Variants in KLHL1 observed in about 807,000 individuals in gnomAD.
KLHL1 encodes the protein kelch like family member 1.
KLHL1 carries 47 observed loss-of-function variants against 77.7 expected under a neutral mutation model. That is an observed-to-expected ratio of 0.60 (90% CI 0.48 to 0.77). The LOEUF (loss-of-function observed/expected upper bound fraction) is 0.77. Ranked by LOEUF, KLHL1 falls within the 30% of genes least tolerant of loss-of-function variation. The pLI, the probability that KLHL1 is intolerant of heterozygous loss-of-function variation, is 0.00. For missense variants in KLHL1, 925 were observed against 910.8 expected, an observed-to-expected ratio of 1.02 and a Z score of -0.20; for synonymous variants, 360 against 325.2, an observed-to-expected ratio of 1.11 and a Z score of -1.15.
intron 1 of KLHL1, among the ~76,000 whole-genome samples, chr13:70,027,052 G>A (rs1444375116): frequency 6.6e-6 from 1 of 151,960 alleles, no homozygotes; most frequent in Non-Finnish European, 1.5e-5. Flanking sequence ...AACAAATTTT[G>A]AGTTTAGAGT....
chr13:69,761,153 A>G (rs1451796252), intron 7 of KLHL1, among the ~76,000 whole-genome samples: 2 of 152,240 alleles, frequency 1.3e-5, no homozygotes, highest in Non-Finnish European at 2.9e-5. Flanking sequence ...AGAGAACAAT[A>G]TAAGAATCTG....
chr13:69,941,101 A>G (rs1419686789), intron 3 of KLHL1, among the ~76,000 whole-genome samples: 1 of 152,032 alleles, frequency 6.6e-6, no homozygotes, highest in African/African-American at 2.4e-5. Context: ...ACTATACCCT[A>G]AAACAAATGG....
Position 70,029,481 on chromosome 13 carries a change from G to A in KLHL1, c.498-53679C>T, listed in dbSNP as rs1199962411. 2.0e-5 allele frequency among the ~76,000 whole-genome samples: 3 copies of A among 152,120 alleles called. 1 individual carries two copies. The highest frequency in any genetic ancestry group is 4.4e-5 in the Non-Finnish European group (3 of 68,036). On this transcript the variant is annotated intron_variant, in intron 1 of 10. Coordinates refer to ENST00000377844, the MANE Select transcript of KLHL1 (RefSeq NM_020866.3). ...CTTAAAGAAAAGAATTTTCAACCAA[G>A]AATTTCATATCCAGCCAAACTAAGC... is the stretch of plus-strand genomic sequence containing the variant.
intron 1 of KLHL1, among the ~76,000 whole-genome samples, chr13:70,030,049 C>T (rs915689192): frequency 1.3e-5 from 2 of 152,236 alleles, no homozygotes; most frequent in East Asian, 3.9e-4. Flanking sequence ...GCTAACTATC[C>T]TAAATATATA....
chr13:69,715,303 C>A (rs1442556630), intron 9 of KLHL1, among the ~76,000 whole-genome samples: 2 of 152,052 alleles, frequency 1.3e-5, no homozygotes, highest in Middle Eastern at 3.4e-3. Flanking sequence ...GGGTGGTTTC[C>A]CCCATGCTAT....
intron 5 of KLHL1, among the ~76,000 whole-genome samples, chr13:69,859,450 T>G (rs1880051330): frequency 6.6e-6 from 1 of 151,952 alleles, no homozygotes; most frequent in Non-Finnish European, 1.5e-5. Flanking sequence ...TAGTGGTGTC[T>G]TTTCATGGGT....
At chr13:69,971,257 A>C (rs1408025383) in intron 2 of KLHL1, among the ~76,000 whole-genome samples, 1 of 152,106 alleles carries the variant, frequency 6.6e-6, no homozygotes, top group African/African-American at 2.4e-5. Flanking sequence ...AAACTACTTT[A>C]AACAAGGCCT....
chr13:69,721,644 C>T (rs1248281562), intron 8 of KLHL1, among the ~76,000 whole-genome samples: 1 of 152,012 alleles, frequency 6.6e-6, no homozygotes, highest in Non-Finnish European at 1.5e-5. Context: ...CAAATTCATG[C>T]TCTAATACCA....
chr13:69,774,635 T>C (rs1341180966), intron 7 of KLHL1, among the ~76,000 whole-genome samples: 1 of 151,046 alleles, frequency 6.6e-6, no homozygotes, highest in Non-Finnish European at 1.5e-5. Context: ...TATTCCTTTA[T>C]TTTCCTAATA....
chr13:69,722,396 G>C (rs144956765), intron 8 of KLHL1, among the ~76,000 whole-genome samples: 2 of 151,260 alleles, frequency 1.3e-5, no homozygotes, highest in African/African-American at 4.9e-5. Flanking sequence ...AACCTACCAA[G>C]ACTAAATCAT....
chr13:69,713,888 T>C (rs888851896), intron 9 of KLHL1, among the ~76,000 whole-genome samples: 1 of 152,164 alleles, frequency 6.6e-6, no homozygotes, highest in African/African-American at 2.4e-5. Flanking sequence ...TGAAATAGTT[T>C]TGAGTTCACT....
intron 1 of KLHL1, among the ~76,000 whole-genome samples, chr13:70,026,423 T>G (rs762182762): frequency 6.6e-6 from 1 of 151,996 alleles, no homozygotes; most frequent in Non-Finnish European, 1.5e-5. Context: ...AGAAATACAG[T>G]GTGATTTTAC....
At chr13:69,976,455 G>A (rs1238845900) in intron 1 of KLHL1, among the ~76,000 whole-genome samples, 1 of 151,672 alleles carries the variant, frequency 6.6e-6, no homozygotes, top group African/African-American at 2.4e-5. Context: ...CTTAAGTTTT[G>A]TTACTTCATG....
At chr13:69,861,887 C>G (rs1033508279) in intron 5 of KLHL1, among the ~76,000 whole-genome samples, 2 of 150,326 alleles carry the variant, frequency 1.3e-5, no homozygotes, top group Non-Finnish European at 1.5e-5. Context: ...ATTGCCTGAA[C>G]CTGGGAGGCG....
intron 5 of KLHL1, among the ~76,000 whole-genome samples, chr13:69,854,537 G>T (rs1879814356): frequency 6.6e-6 from 1 of 151,920 alleles, no homozygotes; most frequent in African/African-American, 2.4e-5. Context: ...CACAGCACAA[G>T]CACATAAGAA....
intron 5 of KLHL1, among the ~76,000 whole-genome samples, chr13:69,868,040 A>C (rs1880440007): frequency 6.6e-6 from 1 of 152,104 alleles, no homozygotes; most frequent in Non-Finnish European, 1.5e-5. Flanking sequence ...TTGATAATCA[A>C]ATTTAAATAA....
At position 69,845,864 on chromosome 13, in the gene KLHL1, C is replaced by G. The variant is rs111994144; in HGVS notation, c.1228-6702G>C. On this transcript the variant is annotated intron_variant, in intron 5 of 10. Coordinates refer to ENST00000377844, the MANE Select transcript of KLHL1 (RefSeq NM_020866.3). Reference sequence around the variant, plus strand: ...ATTTCTAATATTACTGCTTCAAGATCCTATGGGCTCAGAGATGTCGATATT... The same window carrying G: ...ATTTCTAATATTACTGCTTCAAGATGCTATGGGCTCAGAGATGTCGATATT... 2.1e-3 allele frequency among the ~76,000 whole-genome samples: 310 copies of G among 151,212 alleles called. 1 individual carries two copies. The highest frequency in any genetic ancestry group is 6.7e-3 in the African/African-American group (276 of 41,372).
At chr13:69,950,991 A>G (rs960229352) in intron 3 of KLHL1, among the ~76,000 whole-genome samples, 1 of 151,620 alleles carries the variant, frequency 6.6e-6, no homozygotes, top group African/African-American at 2.4e-5. Flanking sequence ...TGAATACTCA[A>G]ATGAAATATT....
intron 3 of KLHL1, 56 bp downstream of exon 3, chr13:69,961,252 G>T: frequency 3.3e-6 from 5 of 1,530,516 alleles, no homozygotes; most frequent in Admixed American, 1.8e-5. Flanking sequence ...GTACTTAAAG[G>T]AAATGAGCTA....
Sources: gnomAD v4.1 joint callset for allele counts (sites outside exome capture counted in the v4.1 genomes callset) on GRCh38, gnomAD v4.1.1 for gene constraint, MANE v1.5 for transcripts, NCBI Gene and HGNC (gene_info 2026-07-23, HGNC 2026-07-21) for gene names.